Variants in SLC8A3 observed in about 807,000 individuals in gnomAD.
SLC8A3 encodes the protein solute carrier family 8 member A3.
A neutral mutation model predicts 65.4 loss-of-function variants in SLC8A3; 37 were observed. The observed-to-expected ratio is 0.57, with a 90% CI of 0.44 to 0.74. SLC8A3 has a LOEUF of 0.74. Ranked by LOEUF, SLC8A3 falls within the 30% of genes least tolerant of loss-of-function variation. The probability of loss-of-function intolerance (pLI) is 0.00; values close to 1 mark genes in which losing one functional copy is unlikely to be tolerated. For missense variants in SLC8A3, 1,112 were observed against 1,172.1 expected (o/e 0.95, Z 0.75); for synonymous variants, 461 against 444.5 (o/e 1.04, Z -0.47).
chr14:70,046,436 A>G lies in SLC8A3; in HGVS notation c.2390-113T>C. The G allele has an allele frequency of 8.9e-7, 1 of 1,125,294 alleles. No individual in the cohort carries two copies. Among genetic ancestry groups the G allele is most frequent in the Non-Finnish European group, 1.2e-6 (1 of 801,992 alleles). 69.7% of individuals were successfully genotyped at this position (1,125,294 alleles called of 1,614,324 possible). A position where few individuals can be genotyped will look rare whatever the true frequency, so the allele number is the denominator to read the frequency against. ...CTGGTGGGCTGAACCCAGGAATGAG[A>G]GACAAGGGCTAGGGGGCCACTCCTA... On this transcript the variant is annotated intron_variant, in intron 6 of 6. Transcript: ENST00000356921. The surrounding 1 kb of genome is among the most constrained non-coding windows in gnomAD (Gnocchi z 4.2).
chr14:70,045,746 G>A lies in SLC8A3; in HGVS notation c.*201C>T, dbSNP rs534397307. ...ATTCAATTAAATACTGTGTAAAGTC[G>A]GTGATTCCTCCATTGTTTGATTGAT... On this transcript the variant is annotated 3_prime_UTR_variant, in exon 7 of 7. Coordinates refer to ENST00000356921, the MANE Select transcript of SLC8A3 (RefSeq NM_182932.3). 5.6e-5 allele frequency: 29 copies of A among 514,178 alleles called. No homozygotes were observed. Among genetic ancestry groups the A allele is most frequent in the Non-Finnish European group, 8.0e-5 (23 of 289,120 alleles). 31.9% of individuals were successfully genotyped at this position (514,178 alleles called of 1,614,324 possible).
At chr14:70,064,220 A>C (rs1277780671) in intron 2 of SLC8A3, among the ~76,000 whole-genome samples, 2 of 152,216 alleles carry the variant, frequency 1.3e-5, no homozygotes, top group African/African-American at 4.8e-5. Context: ...TAGGCTGTGT[A>C]ATCTTGGATA....
rs186312783 is a variant in SLC8A3, at chr14:70,185,804, C to T, written c.-63+2575G>A. Among the ~76,000 whole-genome samples the T allele has an allele frequency of 2.4e-3, 369 of 152,206 alleles. 1 individual carries two copies. The highest frequency in any genetic ancestry group is 3.6e-3 in the Non-Finnish European group (247 of 68,022). ...TAATCACATACATAAATTTAATGGGCGTCTTTAAATTACTTCAAAAATATA... is the reference window on the plus strand; with the variant it reads ...TAATCACATACATAAATTTAATGGGTGTCTTTAAATTACTTCAAAAATATA... On this transcript the variant is annotated intron_variant, in intron 1 of 6. Coordinates refer to ENST00000356921, the MANE Select transcript of SLC8A3 (RefSeq NM_182932.3).
chr14:70,120,796 C>T (rs1894002775), intron 2 of SLC8A3, among the ~76,000 whole-genome samples: 2 of 152,206 alleles, frequency 1.3e-5, no homozygotes, highest in Admixed American at 1.3e-4. Flanking sequence ...CTAGTTCGTT[C>T]ATTCAACAAA....
intron 2 of SLC8A3, among the ~76,000 whole-genome samples, chr14:70,075,556 T>C (rs1890429752): frequency 6.6e-6 from 1 of 152,066 alleles, no homozygotes; most frequent in South Asian, 2.1e-4. Context: ...GGCCCGCGCT[T>C]ATTTGTCAGC....
intron 2 of SLC8A3, among the ~76,000 whole-genome samples, chr14:70,075,068 C>CA (rs1377846127): frequency 2.0e-5 from 3 of 151,548 alleles, no homozygotes; most frequent in Admixed American, 6.6e-5. Context: ...ATGATATGAA[C>CA]AAAAAAAATA....
intron 2 of SLC8A3, among the ~76,000 whole-genome samples, chr14:70,135,043 GC>G (rs1167652432): frequency 6.6e-6 from 1 of 152,102 alleles, no homozygotes; most frequent in African/African-American, 2.4e-5. Flanking sequence ...GAACTCAGTA[GC>G]AAAAAAACAA....
At chr14:70,147,841 G>A (rs1896027897) in intron 2 of SLC8A3, among the ~76,000 whole-genome samples, 2 of 152,256 alleles carry the variant, frequency 1.3e-5, no homozygotes, top group African/African-American at 2.4e-5. Context: ...AGAAATAAAT[G>A]TGTTGTTTGT....
intron 2 of SLC8A3, among the ~76,000 whole-genome samples, chr14:70,064,761 T>C (rs1365200243): frequency 6.6e-6 from 1 of 152,208 alleles, no homozygotes; most frequent in Non-Finnish European, 1.5e-5. Flanking sequence ...ATTATATTGC[T>C]TTTCATGTTA....
At chr14:70,095,914 C>T (rs1004826344) in intron 2 of SLC8A3, among the ~76,000 whole-genome samples, 15 of 151,966 alleles carry the variant, frequency 9.9e-5, no homozygotes, top group African/African-American at 3.6e-4. Flanking sequence ...TGGAATCTCG[C>T]TCTGTCACCC....
intron 2 of SLC8A3, among the ~76,000 whole-genome samples, chr14:70,157,495 T>C (rs952782566): frequency 3.9e-5 from 6 of 152,136 alleles, no homozygotes; most frequent in Admixed American, 1.3e-4. Flanking sequence ...TCTTGAAAAT[T>C]TAAACTAGAA....
At chr14:70,062,960 G>T (rs1259168144) in intron 2 of SLC8A3, among the ~76,000 whole-genome samples, 2 of 152,142 alleles carry the variant, frequency 1.3e-5, no homozygotes, top group African/African-American at 4.8e-5. Flanking sequence ...GCAGCTCCCT[G>T]CTCCACAGTA....
At chr14:70,108,291 T>G (rs967866587) in intron 2 of SLC8A3, among the ~76,000 whole-genome samples, 1 of 151,898 alleles carries the variant, frequency 6.6e-6, no homozygotes, top group Non-Finnish European at 1.5e-5. Flanking sequence ...TCCCAGCTAC[T>G]TGGGAGGCTG....
chr14:70,115,174 G>C (rs1280495852), intron 2 of SLC8A3, among the ~76,000 whole-genome samples: 1 of 152,172 alleles, frequency 6.6e-6, no homozygotes, highest in Non-Finnish European at 1.5e-5. Context: ...GGAAGCACTT[G>C]GGAAGATGGC....
chr14:70,050,908 A>C, intron 5 of SLC8A3, 100 bp downstream of exon 5: 1 of 717,926 alleles, frequency 1.4e-6, no homozygotes, highest in Non-Finnish European at 2.5e-6. Context: ...CTGAACACAC[A>C]AGCCTTCCTA....
Position 70,133,480 on chromosome 14 carries a change from T to C in SLC8A3, c.1784+33159A>G, listed in dbSNP as rs80058172. Among the ~76,000 whole-genome samples, 5,371 of 152,164 alleles carry C rather than the reference T, an allele frequency of 0.035. 433 individuals are homozygous for C. In the East Asian group the frequency reaches 0.37, roughly 11 times the overall value. ...CCTAATATACTCTTGGGGGGTAATA[T>C]CCTATTCAGAACAAGGTGCATTGAG... is the stretch of plus-strand genomic sequence containing the variant. On this transcript the variant is annotated intron_variant, in intron 2 of 6. Transcript: ENST00000356921.
At chr14:70,094,186 G>A (rs933663603) in intron 2 of SLC8A3, among the ~76,000 whole-genome samples, 9 of 152,216 alleles carry the variant, frequency 5.9e-5, no homozygotes, top group African/African-American at 1.9e-4. Flanking sequence ...CCAATGGGAG[G>A]CAGTGGTAGA....
chr14:70,169,241 G>A (rs965486651), intron 1 of SLC8A3, among the ~76,000 whole-genome samples: 2 of 152,112 alleles, frequency 1.3e-5, no homozygotes, highest in Non-Finnish European at 2.9e-5. Context: ...GATAGCTTGG[G>A]AAATCAAAAG....
At chr14:70,110,657 G>A (rs916264494) in intron 2 of SLC8A3, among the ~76,000 whole-genome samples, 6 of 147,666 alleles carry the variant, frequency 4.1e-5, no homozygotes, top group African/African-American at 1.5e-4. Flanking sequence ...AAACATGAGA[G>A]TGCAGATACC....
Sources: allele counts gnomAD v4.1 joint callset (sites outside exome capture counted in the v4.1 genomes callset), GRCh38; gene constraint gnomAD v4.1.1; non-coding constraint Gnocchi (gnomAD v3.1); transcripts MANE v1.5; gene names NCBI Gene and HGNC (gene_info 2026-07-23, HGNC 2026-07-21).